Variants in METTL15 observed in about 807,000 individuals in gnomAD.
The protein encoded by METTL15 is methyltransferase 15, mitochondrial 12S rRNA N4-cytidine, also known as 12S rRNA N(4)-cytidine methyltransferase METTL15.
A neutral mutation model predicts 38.3 loss-of-function variants in METTL15; 34 were observed. That is an observed-to-expected ratio of 0.89 (90% CI 0.68 to 1.18). The LOEUF (loss-of-function observed/expected upper bound fraction) is 1.18, where lower values mean the gene tolerates loss of function less well. Ranked by LOEUF, METTL15 falls within the 50% of genes most tolerant of loss-of-function variation. The probability of loss-of-function intolerance (pLI) is 0.00; values close to 1 mark genes in which losing one functional copy is unlikely to be tolerated. For synonymous variants in METTL15, 162 were observed against 170.9 expected (o/e 0.95, Z 0.41); for missense variants, 438 against 498.4 (o/e 0.88, Z 1.15).
intron 4 of METTL15, among the ~76,000 whole-genome samples, chr11:28,275,519 C>T (rs556638875): frequency 4.3e-4 from 65 of 151,612 alleles, no homozygotes; most frequent in African/African-American, 1.5e-3. Flanking sequence ...TGAATTCTGC[C>T]AATGCAAAGA....
At chr11:28,378,156 G>A (rs536295425) in intron 5 of METTL15, among the ~76,000 whole-genome samples, 3 of 152,292 alleles carry the variant, frequency 2.0e-5, no homozygotes, top group African/African-American at 7.2e-5. Flanking sequence ...GAGGCAGGCA[G>A]GCCTCCTTGA....
chr11:28,399,710 T>C (rs1439083353), intron 5 of METTL15, among the ~76,000 whole-genome samples: 1 of 151,940 alleles, frequency 6.6e-6, no homozygotes, highest in Non-Finnish European at 1.5e-5. Flanking sequence ...AAAATCTTTC[T>C]AATCTACTAT....
intron 5 of METTL15, among the ~76,000 whole-genome samples, chr11:28,417,478 A>G (rs1850783474): frequency 6.6e-6 from 1 of 152,232 alleles, no homozygotes; most frequent in South Asian, 2.1e-4. Flanking sequence ...TCAAATCACA[A>G]AAAGCTCAGA....
At chr11:28,292,289 A>G (rs1186209580) in intron 5 of METTL15, among the ~76,000 whole-genome samples, 1 of 139,378 alleles carries the variant, frequency 7.2e-6, no homozygotes, top group Non-Finnish European at 1.5e-5. Flanking sequence ...ATTTGCACCT[A>G]TGAGTGAGAA....
rs145181297 is a variant in METTL15, at chr11:28,315,591, A to C, written c.779-14805A>C. On this transcript the variant is annotated intron_variant, in intron 6 of 6. Transcript: ENST00000407364. ...CCAAGCTGACTGCAGAAATTTGCAT[A>C]AGTAAGGAGAAGCCAATCCCCAAGA... Among the ~76,000 whole-genome samples the C allele has an allele frequency of 2.6e-3, 393 of 152,352 alleles. 1 individual carries two copies. Among genetic ancestry groups the C allele is most frequent in the Non-Finnish European group, 4.3e-3 (294 of 68,028 alleles).
intron 3 of METTL15, among the ~76,000 whole-genome samples, chr11:28,200,346 T>C (rs1375165210): frequency 6.6e-6 from 1 of 152,176 alleles, no homozygotes; most frequent in Non-Finnish European, 1.5e-5. Context: ...TGAGAATTAC[T>C]TAATTAACTG....
intron 6 of METTL15, among the ~76,000 whole-genome samples, chr11:28,446,251 A>T (rs1356881277): frequency 1.3e-5 from 2 of 152,088 alleles, no homozygotes; most frequent in Non-Finnish European, 2.9e-5. Context: ...CACCAAGGCC[A>T]TCTGCTTGGA....
At chr11:28,198,040 T>G (rs1215485455) in intron 3 of METTL15, among the ~76,000 whole-genome samples, 1 of 152,102 alleles carries the variant, frequency 6.6e-6, no homozygotes, top group Admixed American at 6.6e-5. Context: ...TTAGTAATTC[T>G]TAAAAGAAAG....
intron 6 of METTL15, among the ~76,000 whole-genome samples, chr11:28,470,169 T>C (rs1316162841): frequency 6.6e-6 from 1 of 152,122 alleles, no homozygotes; most frequent in African/African-American, 2.4e-5. Context: ...AGTTTTAGAA[T>C]CATAAAAAAT....
intron 2 of METTL15, among the ~76,000 whole-genome samples, chr11:28,111,442 A>G (rs368177008): frequency 7.2e-5 from 11 of 152,320 alleles, no homozygotes; most frequent in African/African-American, 2.6e-4. Flanking sequence ...ACCCCGCAGC[A>G]TACTGTTATT....
At chr11:28,115,000 A>G (rs964481951) in intron 3 of METTL15, among the ~76,000 whole-genome samples, 3 of 152,196 alleles carry the variant, frequency 2.0e-5, no homozygotes, top group African/African-American at 7.2e-5. Flanking sequence ...GGCTGGAGAC[A>G]AAGATATGAA....
chr11:28,134,771 C>T (rs1586173), intron 3 of METTL15: 60,994 of 390,300 alleles, frequency 0.16, 5,177 homozygotes, highest in East Asian at 0.28. Flanking sequence ...TATATCAAAA[C>T]GAAACAAGGG....
intron 3 of METTL15, among the ~76,000 whole-genome samples, chr11:28,207,395 A>G (rs571131871): frequency 2.2e-4 from 33 of 152,222 alleles, no homozygotes; most frequent in Non-Finnish European, 3.1e-4. Context: ...GGTTCTGTTT[A>G]TATGCTGGAT....
At chr11:28,505,647 A>G (rs1027775642) in intron 6 of METTL15, among the ~76,000 whole-genome samples, 1 of 152,244 alleles carries the variant, frequency 6.6e-6, no homozygotes, top group Non-Finnish European at 1.5e-5. Flanking sequence ...TAATAGAATA[A>G]TAAACTTGAT....
At chr11:28,343,749 A>AT (rs1849974825) in intron 3 of METTL15, among the ~76,000 whole-genome samples, 1 of 152,198 alleles carries the variant, frequency 6.6e-6, no homozygotes, top group Non-Finnish European at 1.5e-5. Context: ...GGCAACAACC[A>AT]TTTATTATTT....
intron 5 of METTL15, 145 bp downstream of exon 5, chr11:28,290,542 A>T (rs1159004814): frequency 2.9e-6 from 2 of 694,866 alleles, no homozygotes; most frequent in East Asian, 2.7e-5. Flanking sequence ...TTTGTTTCAT[A>T]CTCATTATAC....
intron 6 of METTL15, chr11:28,328,314 T>C: frequency 1.5e-6 from 1 of 656,690 alleles, no homozygotes; most frequent in East Asian, 3.1e-5. Flanking sequence ...CACACTGATT[T>C]GGTTTACTTT....
intron 3 of METTL15, among the ~76,000 whole-genome samples, chr11:28,181,707 C>T (rs895762145): frequency 9.0e-6 from 1 of 110,972 alleles, no homozygotes; most frequent in Non-Finnish European, 2.1e-5. Context: ...AATAGTGCTG[C>T]AATAAACATA....
intron 4 of METTL15, among the ~76,000 whole-genome samples, chr11:28,220,293 T>C (rs564408676): frequency 3.9e-5 from 6 of 152,308 alleles, no homozygotes; most frequent in African/African-American, 1.4e-4. Context: ...TCTTGTTGAA[T>C]TGATCACTTT....
Sources: gnomAD v4.1 joint callset for allele counts (sites outside exome capture counted in the v4.1 genomes callset) on GRCh38, gnomAD v4.1.1 for gene constraint, MANE v1.5 for transcripts, NCBI Gene and HGNC (gene_info 2026-07-23, HGNC 2026-07-21) for gene names.